The following SNX3 variants were observed in gnomAD, a reference collection of about 807,000 sequenced individuals.
SNX3 encodes the protein sorting nexin-3.
In SNX3, 5 loss-of-function variants were observed where a neutral mutation model predicts 17.7. The ratio of observed to expected loss-of-function variants is 0.28; its 90% CI spans 0.15 to 0.59. The LOEUF (loss-of-function observed/expected upper bound fraction) is 0.59, where lower values mean the gene tolerates loss of function less well. Ranked by LOEUF, SNX3 falls within the 20% of genes least tolerant of loss-of-function variation. The pLI is 0.88. For synonymous variants in SNX3, 91 were observed against 76.5 expected (o/e 1.19, Z -0.99); for missense variants, 132 against 206.8 (o/e 0.64, Z 2.22).
At chr6:108,221,056 C>G (rs1397641691) in intron 2 of SNX3, among the ~76,000 whole-genome samples, 2 of 152,000 alleles carry the variant, frequency 1.3e-5, no homozygotes, top group Admixed American at 6.6e-5. Flanking sequence ...TATTCTTGAG[C>G]TTTTTCTGAT....
chr6:108,217,318 T>C (rs1175430740), intron 2 of SNX3, among the ~76,000 whole-genome samples: 7 of 152,096 alleles, frequency 4.6e-5, no homozygotes, highest in Admixed American at 3.9e-4. Flanking sequence ...TCCTAACATA[T>C]TCAAACTAGT....
At chr6:108,256,278 A>C (rs951928338) in intron 1 of SNX3, among the ~76,000 whole-genome samples, 2 of 152,238 alleles carry the variant, frequency 1.3e-5, no homozygotes, top group Non-Finnish European at 1.5e-5. Context: ...GTACCAAATA[A>C]GATAGCTTAT....
At chr6:108,229,775 T>C (rs1018987573) in intron 1 of SNX3, among the ~76,000 whole-genome samples, 2 of 152,190 alleles carry the variant, frequency 1.3e-5, no homozygotes, top group Non-Finnish European at 2.9e-5. Context: ...ATATTTAGTA[T>C]ATAATTCTTG....
chr6:108,236,453 G>A (rs922072275), intron 1 of SNX3, among the ~76,000 whole-genome samples: 5 of 146,168 alleles, frequency 3.4e-5, no homozygotes, highest in South Asian at 2.1e-4. Flanking sequence ...GCGGGATCTC[G>A]GCTCACTGCA....
Position 108,234,149 on chromosome 6 carries a change from G to A in SNX3, c.163-11104C>T, listed in dbSNP as rs140896428. ...TTCATTACATGTAGCATTTACAGCC[G>A]CAATTTATCACACAGCTCTTTGATG... is the stretch of plus-strand genomic sequence containing the variant. On this transcript the variant is annotated intron_variant, in intron 1 of 3. Transcript: ENST00000230085. 9.3e-4 allele frequency among the ~76,000 whole-genome samples: 142 copies of A among 152,008 alleles called. 2 individuals are homozygous for A. In the East Asian group the frequency reaches 0.026, roughly 28 times the overall value.
intron 1 of SNX3, among the ~76,000 whole-genome samples, chr6:108,253,674 C>A (rs1047706015): frequency 6.6e-6 from 1 of 152,114 alleles, no homozygotes; most frequent in Non-Finnish European, 1.5e-5. Context: ...ATTTTAGAAT[C>A]TATTTTTTTA....
intron 2 of SNX3, among the ~76,000 whole-genome samples, chr6:108,218,899 G>A (rs528993954): frequency 9.4e-4 from 143 of 152,168 alleles, no homozygotes; most frequent in Non-Finnish European, 1.4e-3. Flanking sequence ...TGGGGACAGG[G>A]TTTCTTTTAT....
chr6:108,247,134 T>C (rs1412627496), intron 1 of SNX3, among the ~76,000 whole-genome samples: 1 of 152,142 alleles, frequency 6.6e-6, no homozygotes, highest in Non-Finnish European at 1.5e-5. Context: ...CTCTTTCTGC[T>C]CACTTTCTCT....
chr6:108,236,585 GTTTTT>G lies in SNX3; in HGVS notation c.163-13545_163-13541del, dbSNP rs1249838090. 1.1e-3 allele frequency among the ~76,000 whole-genome samples: 164 copies of G among 148,292 alleles called. 5 individuals are homozygous for G. The highest frequency in any genetic ancestry group is 3.5e-3 in the Middle Eastern group (1 of 288). ...TTTTTAGTAGAGACGGGGTTTCACCGTTTTTTTTTAGCCGGGATGGTCTCGATCTC... is the reference window on the plus strand; with the variant it reads ...TTTTTAGTAGAGACGGGGTTTCACCGTTTTAGCCGGGATGGTCTCGATCTC... On this transcript the variant is annotated intron_variant, in intron 1 of 3. Coordinates refer to ENST00000230085, the MANE Select transcript of SNX3 (RefSeq NM_003795.6).
At chr6:108,231,434 CTTG>C (rs759419099) in intron 1 of SNX3, among the ~76,000 whole-genome samples, 43 of 152,000 alleles carry the variant, frequency 2.8e-4, no homozygotes, top group Non-Finnish European at 5.4e-4. Flanking sequence ...CGCCCCCTGT[CTTG>C]TTGTCATTCA....
chr6:108,235,814 T>C (rs935797000), intron 1 of SNX3, among the ~76,000 whole-genome samples: 1 of 152,142 alleles, frequency 6.6e-6, no homozygotes, highest in Non-Finnish European at 1.5e-5. Context: ...AAGAATCACA[T>C]GAAAGCGGAG....
At chr6:108,217,808 C>CGT (rs1774635198) in intron 2 of SNX3, among the ~76,000 whole-genome samples, 2 of 151,182 alleles carry the variant, frequency 1.3e-5, no homozygotes, top group Non-Finnish European at 1.5e-5. Context: ...AAGATATGTG[C>CGT]GTGCATGTGG....
chr6:108,228,626 G>A (rs1775044826), intron 1 of SNX3, among the ~76,000 whole-genome samples: 1 of 152,162 alleles, frequency 6.6e-6, no homozygotes, highest in South Asian at 2.1e-4. Flanking sequence ...CAGCCTTCGA[G>A]GCTGAGGCTG....
chr6:108,249,028 T>TTACATA (rs1217602781), intron 1 of SNX3, among the ~76,000 whole-genome samples: 1 of 152,182 alleles, frequency 6.6e-6, no homozygotes, highest in Admixed American at 6.5e-5. Context: ...CAACTGCACA[T>TTACATA]TGCCATATTA....
In SNX3 at chr6:108,231,109, G is replaced by GT. The variant is rs35263877; in HGVS notation, c.163-8065dup. On this transcript the variant is annotated intron_variant, in intron 1 of 3. Transcript: ENST00000230085. ...GAGGGATCCTCCCACCTCTGGTGGTGTTTTTTTTTTTTTTGAGACACAGTC... is the reference window on the plus strand; with the variant it reads ...GAGGGATCCTCCCACCTCTGGTGGTGTTTTTTTTTTTTTTTGAGACACAGTC... Among the ~76,000 whole-genome samples, 834 of 143,028 alleles carry GT rather than the reference G, an allele frequency of 5.8e-3. 4 individuals are homozygous for GT. The highest frequency in any genetic ancestry group is 0.013 in the African/African-American group (504 of 39,366). 93.8% of individuals were successfully genotyped at this position (143,028 alleles called of 152,430 possible).
At chr6:108,215,855 C>A (rs1468198705) in intron 2 of SNX3, among the ~76,000 whole-genome samples, 8 of 151,974 alleles carry the variant, frequency 5.3e-5, no homozygotes, top group Non-Finnish European at 1.0e-4. Flanking sequence ...TCACTTGAGT[C>A]CAGGAGTTCA....
intron 1 of SNX3, among the ~76,000 whole-genome samples, chr6:108,229,509 G>A (rs1456272555): frequency 7.0e-6 from 1 of 142,810 alleles, no homozygotes; most frequent in African/African-American, 2.5e-5. Flanking sequence ...CTGGGCTCAA[G>A]GGATCCTTCC....
At chr6:108,221,765 G>A (rs937627673) in intron 2 of SNX3, among the ~76,000 whole-genome samples, 11 of 151,876 alleles carry the variant, frequency 7.2e-5, no homozygotes, top group Admixed American at 2.6e-4. Flanking sequence ...CGCTGGTCTC[G>A]AACTCCTTGG....
At chr6:108,256,557 A>G in intron 1 of SNX3, among the ~76,000 whole-genome samples, 1 of 152,220 alleles carries the variant, frequency 6.6e-6, no homozygotes, top group East Asian at 1.9e-4. Flanking sequence ...CCTATTTCAC[A>G]GAGGGGAAGT....
Sources: allele counts gnomAD v4.1 joint callset (sites outside exome capture counted in the v4.1 genomes callset), GRCh38; gene constraint gnomAD v4.1.1; transcripts MANE v1.5; gene names NCBI Gene and HGNC (gene_info 2026-07-23, HGNC 2026-07-21).